RBM20: variants seen among roughly 807,000 people sequenced by gnomAD.
RBM20 encodes RNA-binding protein 20.
A neutral mutation model predicts 110.1 loss-of-function variants in RBM20; 51 were observed. The ratio of observed to expected loss-of-function variants is 0.46; its 90% confidence interval spans 0.37 to 0.59. The LOEUF (loss-of-function observed/expected upper bound fraction) is 0.59, where lower values mean the gene tolerates loss of function less well. RBM20 is among the 20% of genes least tolerant of loss of function. The pLI, the probability that RBM20 is intolerant of heterozygous loss-of-function variation, is 0.00. For synonymous variants in RBM20, 589 were observed against 618.2 expected, an observed-to-expected ratio of 0.95 and a Z score of 0.70; for missense variants, 1,512 against 1,574.9, an observed-to-expected ratio of 0.96 and a Z score of 0.68.
At position 110,835,889 on chromosome 10, in the gene RBM20, G is replaced by A. The variant is rs777768807; in HGVS notation, c.3595G>A (p.Glu1199Lys). ...NLQKYLSQLA[E>K]EGLKETEGAD... ...ACAGAAATATTTGTCCCAGCTGGCC[G>A]AGGAGGGCCTCAAGGAGACCGAGGG... The change falls in exon 14 of 14, where the codon GAG becomes AAG. Residue 1199 changes from glutamate to lysine, a missense_variant. Physicochemically the swap from Glu to Lys is moderately conservative, Grantham distance 56. Coordinates refer to ENST00000369519, the MANE Select transcript of RBM20 (RefSeq NM_001134363.3). The A allele has an allele frequency of 3.2e-5, 49 of 1,549,984 alleles. No individual in the cohort carries two copies. The highest frequency in any genetic ancestry group is 1.1e-4 in the African/African-American group (8 of 72,992).
In RBM20 at chr10:110,813,000, A is replaced by G. The variant is rs1387129911; in HGVS notation, c.2550+53A>G. 6.7e-6 allele frequency: 8 copies of G among 1,202,638 alleles called. No individual in the cohort carries two copies. In the South Asian group the frequency reaches 1.2e-4, roughly 18 times the overall value. The allele number at this position is 1,202,638 out of a possible 1,614,324, so 74.5% of individuals were successfully genotyped here. ...GGCGAGGCAGGCCCTGAAGGAGAAT[A>G]ATCATAATAATATAATGAGGATGAA... On this transcript the variant is annotated intron_variant, in intron 9 of 13. Transcript: ENST00000369519.
chr10:110,712,108 A>C (rs542460150), intron 1 of RBM20, among the ~76,000 whole-genome samples: 1 of 152,222 alleles, frequency 6.6e-6, no homozygotes, highest in Non-Finnish European at 1.5e-5. Context: ...GAATTATCAT[A>C]TATTTTAATT....
In RBM20 at chr10:110,781,787, C is replaced by G. The variant is rs757574546; in HGVS notation, c.1178C>G (p.Pro393Arg). ...KEDQALLSVR[P>R]LQAHELNDFH... The stretch of plus-strand genomic sequence containing the variant: ...GACCAGGCGTTGCTATCTGTGCGGC[C>G]CCTGCAGGCTCATGAGCTGAACGAC... Residue 393 changes from proline (P) to arginine (R), a missense_variant, in exon 2 of 14, where the codon CCC (proline) becomes CGC (arginine). Physicochemically the swap from Pro to Arg is moderately radical, Grantham distance 103 (BLOSUM62 -2). Transcript: ENST00000369519. The G allele has an allele frequency of 1.0e-5, 16 of 1,551,692 alleles. No individual in the cohort carries two copies. The highest frequency in any genetic ancestry group is 2.6e-6 in the Non-Finnish European group (3 of 1,147,024).
In RBM20 at chr10:110,821,784, G is replaced by T; in HGVS notation, c.3165G>T (p.Arg1055Ser). 6.4e-7 allele frequency: 1 copy of T among 1,551,742 alleles called. No homozygotes were observed. Among genetic ancestry groups the T allele is most frequent in the Non-Finnish European group, 8.7e-7 (1 of 1,147,012 alleles). Residue 1055 changes from arginine to serine, a missense_variant, in exon 11 of 14, where the codon AGG (arginine) becomes AGT (serine). Physicochemically the swap from Arg to Ser is moderately radical, Grantham distance 110. Around this residue, in one of 3 missense-constraint regions of RBM20, gnomAD observed 358 missense variants for 384.2 expected, o/e 0.93. Transcript: ENST00000369519. ...QMSSPKPAEE[R>S]ARQPSPFVDD... ...CTTCCCCTAAGCCAGCAGAGGAGAGGGCCCGGCAGCCAAGCCCATTTGTGG... is the reference window on the plus strand; with the variant it reads ...CTTCCCCTAAGCCAGCAGAGGAGAGTGCCCGGCAGCCAAGCCCATTTGTGG...
intron 1 of RBM20, among the ~76,000 whole-genome samples, chr10:110,692,878 TATG>T (rs1862607536): frequency 6.7e-6 from 1 of 148,520 alleles, no homozygotes; most frequent in Non-Finnish European, 1.5e-5. Context: ...TACCATTGAG[TATG>T]ATGTTAGCTG....
chr10:110,731,266 A>G (rs117881464), intron 1 of RBM20, among the ~76,000 whole-genome samples: 1 of 152,306 alleles, frequency 6.6e-6, no homozygotes, highest in East Asian at 1.9e-4. Flanking sequence ...AAATTCAAAC[A>G]AAAAACAAGG....
At chr10:110,760,535 G>T (rs1277516307) in intron 1 of RBM20, among the ~76,000 whole-genome samples, 4 of 136,376 alleles carry the variant, frequency 2.9e-5, no homozygotes, top group African/African-American at 1.1e-4. Context: ...CTGCCTCCTG[G>T]GTTCAAGCAA....
At chr10:110,743,274 T>C (rs983263681) in intron 1 of RBM20, among the ~76,000 whole-genome samples, 1 of 152,184 alleles carries the variant, frequency 6.6e-6, no homozygotes, top group Admixed American at 6.5e-5. Context: ...ATGGGGTAAA[T>C]CAATTTCTGT....
At chr10:110,823,041 A>G (rs1844934656) in intron 11 of RBM20, among the ~76,000 whole-genome samples, 1 of 152,166 alleles carries the variant, frequency 6.6e-6, no homozygotes, top group African/African-American at 2.4e-5. Context: ...TTTGGGGTTC[A>G]TATTTAATAA....
intron 7 of RBM20, among the ~76,000 whole-genome samples, chr10:110,804,542 C>T (rs1218488479): frequency 6.6e-6 from 1 of 152,230 alleles, no homozygotes; most frequent in Non-Finnish European, 1.5e-5. Flanking sequence ...AATATTTCTT[C>T]ATGCACATAT....
intron 1 of RBM20, 56 bp from the exon 2 acceptor site, chr10:110,780,745 C>T: frequency 6.8e-7 from 1 of 1,464,482 alleles, no homozygotes; most frequent in Non-Finnish European, 9.1e-7. Flanking sequence ...AAAGAACAGC[C>T]CCTTGCCCCC....
chr10:110,816,938 G>A lies in RBM20; in HGVS notation c.2551-3134G>A, dbSNP rs146126768. Among the ~76,000 whole-genome samples the A allele has an allele frequency of 2.9e-3, 449 of 152,328 alleles. 1 individual carries two copies. Among genetic ancestry groups the A allele is most frequent in the African/African-American group, 9.3e-3 (385 of 41,554 alleles). On this transcript the variant is annotated intron_variant, in intron 9 of 13. Transcript: ENST00000369519. ...CCTGAGCTCTCTGGAGAAAGTTTCT[G>A]TGGTTGAGAAGCCAGTGTGCGTGCT...
chr10:110,647,488 C>T (rs1259872793), intron 1 of RBM20, among the ~76,000 whole-genome samples: 1 of 152,076 alleles, frequency 6.6e-6, no homozygotes, highest in Non-Finnish European at 1.5e-5. Context: ...TTTAAATATG[C>T]ATTCTCCAAA....
At chr10:110,729,569 T>G (rs924932215) in intron 1 of RBM20, among the ~76,000 whole-genome samples, 1 of 152,218 alleles carries the variant, frequency 6.6e-6, no homozygotes, top group East Asian at 1.9e-4. Flanking sequence ...AGATCGTATC[T>G]CCCAGATTTG....
At chr10:110,672,247 C>T (rs1590607956) in intron 1 of RBM20, among the ~76,000 whole-genome samples, 2 of 152,244 alleles carry the variant, frequency 1.3e-5, no homozygotes, top group South Asian at 4.1e-4. Context: ...GGTGAGACTT[C>T]GGCCCCTGGT....
In RBM20 at chr10:110,812,466, C is replaced by G. The variant is rs550942448; in HGVS notation, c.2069C>G (p.Pro690Arg). 6.4e-7 allele frequency: 1 copy of G among 1,551,672 alleles called. No homozygotes were observed. The highest frequency in any genetic ancestry group is 2.4e-5 in the East Asian group (1 of 40,918). ...PYARREEERD[P>R]APWRDNGDDK... ...GCCAGGAGGGAGGAAGAGCGAGACC[C>G]GGCTCCCTGGAGGGACAACGGAGAT... Residue 690 changes from proline (P) to arginine (R), a missense_variant, in exon 9 of 14, where the codon CCG becomes CGG. Around this residue, in one of 3 missense-constraint regions of RBM20, gnomAD observed 1,149 missense variants for 1,169.4 expected, o/e 0.98. Coordinates refer to ENST00000369519, the MANE Select transcript of RBM20 (RefSeq NM_001134363.3).
chr10:110,771,233 C>T (rs572834574), intron 1 of RBM20, among the ~76,000 whole-genome samples: 2 of 152,114 alleles, frequency 1.3e-5, no homozygotes, highest in East Asian at 3.9e-4. Flanking sequence ...CTCAGCGATT[C>T]TCCTGCCTCA....
At chr10:110,688,338 G>C (rs1439073243) in intron 1 of RBM20, among the ~76,000 whole-genome samples, 4 of 152,126 alleles carry the variant, frequency 2.6e-5, no homozygotes, top group African/African-American at 4.8e-5. Flanking sequence ...CTCAAGAAAT[G>C]TTCATGTGTT....
At chr10:110,814,740 T>C (rs893641461) in intron 9 of RBM20, among the ~76,000 whole-genome samples, 11 of 152,312 alleles carry the variant, frequency 7.2e-5, no homozygotes, top group Admixed American at 6.5e-4. Flanking sequence ...GTGATCCTCC[T>C]GCCTTGGCCT....
Sources: gnomAD v4.1 joint callset for allele counts (sites outside exome capture counted in the v4.1 genomes callset) on GRCh38, gnomAD v4.1.1 for gene constraint, gnomAD v4.1.1 regional missense constraint, MANE v1.5 for transcripts, NCBI Gene and HGNC (gene_info 2026-07-23, HGNC 2026-07-21) for gene names.